Variants in ALKBH3 observed in about 807,000 individuals in gnomAD.
ALKBH3 encodes alkB homolog 3, alpha-ketoglutarate dependent dioxygenase, also known as alpha-ketoglutarate-dependent dioxygenase alkB homolog 3.
A neutral mutation model predicts 43.9 loss-of-function variants in ALKBH3; 51 were observed. The ratio of observed to expected loss-of-function variants is 1.16; its 90% confidence interval spans 0.93 to 1.47. The LOEUF (loss-of-function observed/expected upper bound fraction) is 1.47. Among genes scored for constraint, ALKBH3 ranks in the 40% most tolerant of loss-of-function variants. The pLI is 0.00. For missense variants in ALKBH3, 361 were observed against 351.9 expected (o/e 1.03, Z -0.21); for synonymous variants, 102 against 115.2 (o/e 0.89, Z 0.73).
At chr11:43,896,426 C>T (rs35224339) in intron 7 of ALKBH3, among the ~76,000 whole-genome samples, 7,551 of 152,084 alleles carry the variant, frequency 0.05, 450 homozygotes, top group Admixed American at 0.2. Context: ...ACTTGGAGTC[C>T]GATGTTTGAG....
intron 8 of ALKBH3, among the ~76,000 whole-genome samples, chr11:43,913,167 A>G (rs10734520): frequency 0.6 from 90,757 of 151,082 alleles, 28,105 homozygotes; most frequent in East Asian, 0.84. Context: ...AATATACTTC[A>G]TGTGTACAGA....
chr11:43,901,206 A>G (rs1590374526), intron 7 of ALKBH3, among the ~76,000 whole-genome samples: 1 of 152,240 alleles, frequency 6.6e-6, no homozygotes, highest in Admixed American at 6.5e-5. Context: ...ATGAAAATAC[A>G]TGGCAAAGGC....
At chr11:43,915,222 A>G (rs958273861) in intron 8 of ALKBH3, among the ~76,000 whole-genome samples, 14 of 151,794 alleles carry the variant, frequency 9.2e-5, no homozygotes, top group East Asian at 1.9e-4. Context: ...AAAGAAAAAA[A>G]AAAAAAAAAG....
chr11:43,897,461 G>A, intron 7 of ALKBH3: 1 of 738,756 alleles, frequency 1.4e-6, no homozygotes, highest in Admixed American at 1.8e-5. Flanking sequence ...CAATCATGGT[G>A]CAAAAATACC....
chr11:43,898,482 CA>C, intron 7 of ALKBH3: 1 of 953,262 alleles, frequency 1.0e-6, no homozygotes, highest in South Asian at 1.3e-5. Flanking sequence ...AGATGGACAC[CA>C]ACGGCTTGGT....
At chr11:43,898,155 C>A (rs2135188737) in intron 7 of ALKBH3, 1 of 1,221,070 alleles carries the variant, frequency 8.2e-7, no homozygotes, top group Non-Finnish European at 1.2e-6. Context: ...TAGATGCTGA[C>A]TACATCAAGA....
At chr11:43,896,268 TACACACACACACACAC>T (rs71035662) in intron 7 of ALKBH3, among the ~76,000 whole-genome samples, 5 of 147,268 alleles carry the variant, frequency 3.4e-5, no homozygotes, top group Non-Finnish European at 6.0e-5. Context: ...ATAGGATAGA[TACACACACACACACAC>T]ACACACACAC....
intron 8 of ALKBH3, among the ~76,000 whole-genome samples, chr11:43,905,447 T>C (rs1951889475): frequency 6.6e-6 from 1 of 152,264 alleles, no homozygotes; most frequent in Admixed American, 6.5e-5. Flanking sequence ...TTTTTGTTTT[T>C]TTTTTTCACT....
At chr11:43,913,200 T>C (rs1365318577) in intron 8 of ALKBH3, among the ~76,000 whole-genome samples, 1 of 152,198 alleles carries the variant, frequency 6.6e-6, no homozygotes, top group Non-Finnish European at 1.5e-5. Context: ...GGTCTAATTT[T>C]TTTTTAATTT....
intron 1 of ALKBH3, chr11:43,881,397 A>G (rs576331133): frequency 2.6e-5 from 4 of 152,348 alleles, no homozygotes; most frequent in South Asian, 4.1e-4. Flanking sequence ...ATTTTCAACA[A>G]TTGTTCCCTG....
intron 7 of ALKBH3, among the ~76,000 whole-genome samples, chr11:43,892,388 T>C (rs1951790217): frequency 6.6e-6 from 1 of 152,222 alleles, no homozygotes. Context: ...TATCCCTCTT[T>C]CCCAAGCTTT....
chr11:43,894,701 G>A (rs1250272693), intron 7 of ALKBH3, among the ~76,000 whole-genome samples: 1 of 152,184 alleles, frequency 6.6e-6, no homozygotes, highest in Non-Finnish European at 1.5e-5. Flanking sequence ...TTCTTGTTAA[G>A]CGTGTAATTC....
intron 9 of ALKBH3, chr11:43,919,518 C>A (rs1038141840): frequency 1.1e-5 from 3 of 281,712 alleles, no homozygotes; most frequent in African/African-American, 4.4e-5. Context: ...CACAGCTCTG[C>A]AGCTAGGCCA....
At chr11:43,914,326 C>T (rs911199965) in intron 8 of ALKBH3, among the ~76,000 whole-genome samples, 2 of 152,298 alleles carry the variant, frequency 1.3e-5, no homozygotes, top group East Asian at 3.9e-4. Context: ...TATCACCTTC[C>T]TTGCCTCCCT....
chr11:43,882,833 C>T (rs16937672), intron 2 of ALKBH3, 102 bp downstream of exon 2: 14,824 of 1,258,792 alleles, frequency 0.012, 230 homozygotes, highest in African/African-American at 0.063. Flanking sequence ...TTTCAATTGA[C>T]GTCAAGGAAT....
intron 4 of ALKBH3, among the ~76,000 whole-genome samples, chr11:43,886,171 A>C (rs938806645): frequency 6.6e-6 from 1 of 152,200 alleles, no homozygotes; most frequent in Non-Finnish European, 1.5e-5. Flanking sequence ...GATTTTAATC[A>C]GAAGAGGAAC....
intron 8 of ALKBH3, among the ~76,000 whole-genome samples, chr11:43,904,528 T>A (rs1036784120): frequency 1.3e-5 from 2 of 152,248 alleles, no homozygotes; most frequent in Non-Finnish European, 2.9e-5. Flanking sequence ...AGTCCATTTT[T>A]GTGTAAACAG....
At chr11:43,902,857 A>G (rs1019327809) in intron 8 of ALKBH3, among the ~76,000 whole-genome samples, 2 of 152,292 alleles carry the variant, frequency 1.3e-5, no homozygotes, top group Middle Eastern at 3.4e-3. Flanking sequence ...TCGGCCTCCC[A>G]AAGTGCTGGG....
At chr11:43,914,502 C>A (rs1215284145) in intron 8 of ALKBH3, among the ~76,000 whole-genome samples, 2 of 151,790 alleles carry the variant, frequency 1.3e-5, no homozygotes, top group African/African-American at 2.4e-5. Flanking sequence ...AAGAATAACC[C>A]AACCACCACC....
Sources: allele counts gnomAD v4.1 joint callset (sites outside exome capture counted in the v4.1 genomes callset), GRCh38; gene constraint gnomAD v4.1.1; transcripts MANE v1.5; gene names NCBI Gene and HGNC (gene_info 2026-07-23, HGNC 2026-07-21).